DNAH12: variants seen among roughly 807,000 people sequenced by gnomAD.
DNAH12 encodes the protein axonemal beta dynein heavy chain 12.
Under a neutral mutation model 371.5 loss-of-function variants are expected in DNAH12, and 285 were observed. The observed-to-expected ratio is 0.77, with a 90% CI of 0.70 to 0.85. DNAH12 has a LOEUF of 0.85. Ranked by LOEUF, DNAH12 falls within the 40% of genes least tolerant of loss-of-function variation. The pLI is 0.00. For missense variants in DNAH12, 3,611 were observed against 3,689.4 expected (o/e 0.98, Z 0.55); for synonymous variants, 1,200 against 1,213.0 (o/e 0.99, Z 0.22).
intron 18 of DNAH12, 79 bp from the exon 19 acceptor site, chr3:57,461,768 C>G: frequency 8.6e-7 from 1 of 1,166,578 alleles, no homozygotes; most frequent in Non-Finnish European, 1.2e-6. Flanking sequence ...CTAGTGAATT[C>G]AGTAAGAATT....
At chr3:57,516,739 G>A (rs915159719) in intron 4 of DNAH12, among the ~76,000 whole-genome samples, 3 of 151,894 alleles carry the variant, frequency 2.0e-5, no homozygotes, top group East Asian at 1.9e-4. Flanking sequence ...TACTTTTGCC[G>A]TAGCCACAAT....
At chr3:57,389,905 G>A (rs924731848) in intron 45 of DNAH12, among the ~76,000 whole-genome samples, 59 of 146,000 alleles carry the variant, frequency 4.0e-4, no homozygotes, top group Non-Finnish European at 7.7e-4. Context: ...GCACAATCTC[G>A]GCCCACTGCA....
At position 57,448,439 on chromosome 3, in the gene DNAH12, C is replaced by T. The variant is rs144781906; in HGVS notation, c.3787-1750G>A. On this transcript the variant is annotated intron_variant, in intron 25 of 73. Transcript: ENST00000495027. ...GAGTGTTAAAGCTCTTAATGCAGCACGTCTGGAGTTGTTCGTTCCTCCCAG... is the reference window on the plus strand; with the variant it reads ...GAGTGTTAAAGCTCTTAATGCAGCATGTCTGGAGTTGTTCGTTCCTCCCAG... Among the ~76,000 whole-genome samples, 14 of 151,600 alleles carry T rather than the reference C, an allele frequency of 9.2e-5. No individual in the cohort carries two copies. The East Asian group carries it at 1.6e-3, about 17-fold the overall frequency.
At chr3:57,417,323 G>C (rs960129114) in intron 37 of DNAH12, among the ~76,000 whole-genome samples, 1 of 152,054 alleles carries the variant, frequency 6.6e-6, no homozygotes, top group African/African-American at 2.4e-5. Flanking sequence ...CAGTTCTAAG[G>C]GGTCATCTAA....
At chr3:57,376,438 A>G (rs1179952462) in intron 53 of DNAH12, among the ~76,000 whole-genome samples, 2 of 152,174 alleles carry the variant, frequency 1.3e-5, no homozygotes, top group Non-Finnish European at 2.9e-5. Context: ...ATACAATAAA[A>G]AAGTGTATTC....
chr3:57,433,261 C>CT, intron 32 of DNAH12, 106 bp downstream of exon 32: 1 of 1,304,462 alleles, frequency 7.7e-7, no homozygotes, highest in East Asian at 2.8e-5. Context: ...TTGCTGCATC[C>CT]TTTATTTTTG....
intron 65 of DNAH12, among the ~76,000 whole-genome samples, chr3:57,317,621 A>G (rs1430847501): frequency 6.6e-6 from 1 of 152,168 alleles, no homozygotes; most frequent in East Asian, 1.9e-4. Flanking sequence ...GCTATTGTGA[A>G]TGGTGCTGCA....
chr3:57,519,978 G>A (rs1180165490), intron 4 of DNAH12: 3 of 833,416 alleles, frequency 3.6e-6, no homozygotes, highest in East Asian at 2.6e-5. Context: ...AGGTCAGGGC[G>A]TAGGGTTCCT....
At position 57,461,670 on chromosome 3, in the gene DNAH12, G is replaced by T; in HGVS notation, c.2555C>A (p.Ala852Asp). ...CCAAGTTCCTATCATTGTATTCATGGCTTTCTCTAATGAAAATTCCTAAAA... is the reference window on the plus strand; with the variant it reads ...CCAAGTTCCTATCATTGTATTCATGTCTTTCTCTAATGAAAATTCCTAAAA... ...GASKEFSLEK[A>D]MNTMIGTWED... The change falls in exon 19 of 74, where the codon GCC becomes GAC. Residue 852 changes from alanine (A) to aspartate (D), a missense_variant. This residue lies in a region of DNAH12 where 1,314 missense variants were observed against 1,398.7 expected (regional missense o/e 0.94). Transcript: ENST00000495027. 1 of 1,550,644 alleles carries T rather than the reference G, an allele frequency of 6.4e-7. No homozygotes were observed.
intron 55 of DNAH12, among the ~76,000 whole-genome samples, chr3:57,369,289 A>G (rs2063119797): frequency 1.2e-5 from 1 of 85,982 alleles, no homozygotes; most frequent in Non-Finnish European, 2.3e-5. Flanking sequence ...TACATATAAT[A>G]TAGAATTTTA....
At chr3:57,378,213 G>A (rs2063321139) in intron 52 of DNAH12, among the ~76,000 whole-genome samples, 1 of 152,048 alleles carries the variant, frequency 6.6e-6, no homozygotes, top group South Asian at 2.1e-4. Context: ...AGAGTGGGAA[G>A]GCAGGAAAAA....
intron 39 of DNAH12, among the ~76,000 whole-genome samples, chr3:57,409,792 G>A (rs1310687513): frequency 1.3e-5 from 2 of 152,122 alleles, no homozygotes; most frequent in Non-Finnish European, 2.9e-5. Context: ...GTACATTTAA[G>A]AGGAGGAAAG....
chr3:57,424,160 A>C (rs1049834818), intron 35 of DNAH12, among the ~76,000 whole-genome samples: 2 of 152,092 alleles, frequency 1.3e-5, no homozygotes, highest in African/African-American at 4.8e-5. Context: ...TTGTTGATCA[A>C]ATTATAATCT....
chr3:57,415,639 G>T, intron 37 of DNAH12, 75 bp from the exon 38 acceptor site: 1 of 1,390,710 alleles, frequency 7.2e-7, no homozygotes, highest in Non-Finnish European at 9.5e-7. Flanking sequence ...GGAGGCGGTA[G>T]TTAAAAGTGT....
intron 60 of DNAH12, among the ~76,000 whole-genome samples, chr3:57,343,827 A>G (rs1171586614): frequency 2.6e-5 from 4 of 152,336 alleles, no homozygotes; most frequent in Middle Eastern, 3.4e-3. Context: ...CAGCAATGCT[A>G]CCTTGTTATT....
intron 62 of DNAH12, among the ~76,000 whole-genome samples, chr3:57,326,216 A>G (rs2061941884): frequency 6.6e-6 from 1 of 151,808 alleles, no homozygotes; most frequent in Admixed American, 6.6e-5. Flanking sequence ...GAATGCCACA[A>G]AGATACTCCT....
At chr3:57,377,817 T>C (rs2063312175) in intron 52 of DNAH12, among the ~76,000 whole-genome samples, 1 of 152,162 alleles carries the variant, frequency 6.6e-6, no homozygotes, top group African/African-American at 2.4e-5. Context: ...GTTATGCTCA[T>C]CAGGCTATCA....
At chr3:57,464,438 C>T (rs1266351348) in intron 17 of DNAH12, among the ~76,000 whole-genome samples, 1 of 152,134 alleles carries the variant, frequency 6.6e-6, no homozygotes, top group Non-Finnish European at 1.5e-5. Flanking sequence ...AGGTACTAGA[C>T]CCAAGCCAAA....
intron 34 of DNAH12, among the ~76,000 whole-genome samples, chr3:57,427,934 T>G (rs34853047): frequency 0.31 from 44,949 of 146,620 alleles, 7,065 homozygotes; most frequent in South Asian, 0.44. Flanking sequence ...GGTTTTGGGG[T>G]TTTTTTTTTT....
Sources: gnomAD v4.1 joint callset for allele counts (sites outside exome capture counted in the v4.1 genomes callset) on GRCh38, gnomAD v4.1.1 for gene constraint, gnomAD v4.1.1 regional missense constraint, MANE v1.5 for transcripts, NCBI Gene and HGNC (gene_info 2026-07-23, HGNC 2026-07-21) for gene names.